PCSK2: variants seen among roughly 807,000 people sequenced by gnomAD.
The protein encoded by PCSK2 is neuroendocrine convertase 2.
In PCSK2, 14 loss-of-function variants were observed where a neutral mutation model predicts 69.7. The ratio of observed to expected loss-of-function variants is 0.20; its 90% CI spans 0.13 to 0.31. The LOEUF (loss-of-function observed/expected upper bound fraction) is 0.31. Ranked by LOEUF, PCSK2 falls within the 10% of genes least tolerant of loss-of-function variation. The pLI is 1.00. For synonymous variants in PCSK2, 307 were observed against 320.7 expected (o/e 0.96, Z 0.46); for missense variants, 544 against 842.5 (o/e 0.65, Z 4.39).
intron 1 of PCSK2, among the ~76,000 whole-genome samples, chr20:17,251,303 G>T (rs943104337): frequency 6.6e-6 from 1 of 152,108 alleles, no homozygotes. Flanking sequence ...GCAGGGTTAA[G>T]TAGAGAAAAC....
At chr20:17,407,249 C>T (rs1471988717) in intron 5 of PCSK2, among the ~76,000 whole-genome samples, 17 of 152,256 alleles carry the variant, frequency 1.1e-4, no homozygotes, top group Non-Finnish European at 1.5e-5. Flanking sequence ...TGCCTCTTCC[C>T]ACTCCAACAG....
intron 1 of PCSK2, among the ~76,000 whole-genome samples, chr20:17,246,236 C>G (rs1320700236): frequency 6.6e-6 from 1 of 152,132 alleles, no homozygotes; most frequent in Admixed American, 6.5e-5. Flanking sequence ...CCTCAATTTT[C>G]TTTTTCATTT....
chr20:17,317,086 T>C (rs756784455), intron 2 of PCSK2, among the ~76,000 whole-genome samples: 14 of 152,170 alleles, frequency 9.2e-5, no homozygotes, highest in Middle Eastern at 3.2e-3. Context: ...TTCCCAAACA[T>C]TCTGACTCAG....
chr20:17,321,862 GAGAC>G (rs1454736016), intron 2 of PCSK2, among the ~76,000 whole-genome samples: 1 of 152,102 alleles, frequency 6.6e-6, no homozygotes, highest in Non-Finnish European at 1.5e-5. Flanking sequence ...ACAAAACAGA[GAGAC>G]AGAAGGATTT....
At chr20:17,409,229 G>A in intron 5 of PCSK2, 34 bp from the exon 6 acceptor site, 1 of 1,560,798 alleles carries the variant, frequency 6.4e-7, no homozygotes, top group Non-Finnish European at 8.8e-7. Flanking sequence ...GCCTCTGGCT[G>A]TACGGACCTA....
intron 2 of PCSK2, among the ~76,000 whole-genome samples, chr20:17,315,865 A>C (rs1404265654): frequency 6.6e-6 from 1 of 152,128 alleles, no homozygotes; most frequent in East Asian, 1.9e-4. Flanking sequence ...GTGTGAATCC[A>C]TGGCCCGCGC....
intron 8 of PCSK2, among the ~76,000 whole-genome samples, chr20:17,444,113 C>G (rs2032650611): frequency 6.6e-6 from 1 of 152,176 alleles, no homozygotes; most frequent in Admixed American, 6.5e-5. Flanking sequence ...CTGGTCTACT[C>G]TAAGGAAAAA....
At chr20:17,347,878 A>AGAG in intron 2 of PCSK2, among the ~76,000 whole-genome samples, 1 of 3,650 alleles carries the variant, frequency 2.7e-4, no homozygotes, top group African/African-American at 9.0e-4. Context: ...AGAAAAAAGA[A>AGAG]AGAAAGAAAG....
At chr20:17,340,618 G>A (rs185378644) in intron 2 of PCSK2, among the ~76,000 whole-genome samples, 5 of 152,062 alleles carry the variant, frequency 3.3e-5, no homozygotes, top group African/African-American at 7.2e-5. Flanking sequence ...TCCGTCTTAC[G>A]GATTTGGGCT....
chr20:17,382,997 T>C (rs1181530413), intron 5 of PCSK2, among the ~76,000 whole-genome samples: 2 of 152,178 alleles, frequency 1.3e-5, no homozygotes, highest in African/African-American at 4.8e-5. Flanking sequence ...GGTTCTGTAT[T>C]TTTGTTTTGT....
intron 2 of PCSK2, among the ~76,000 whole-genome samples, chr20:17,283,383 GTC>G (rs149966424): frequency 0.16 from 23,985 of 152,026 alleles, 2,256 homozygotes; most frequent in Non-Finnish European, 0.22. Context: ...ACAGAGTGAT[GTC>G]TAGGATTTGC....
At chr20:17,319,382 G>T (rs187488003) in intron 2 of PCSK2, among the ~76,000 whole-genome samples, 1 of 152,288 alleles carries the variant, frequency 6.6e-6, no homozygotes, top group African/African-American at 2.4e-5. Context: ...AGCTGATGGT[G>T]TCAGTAGGAG....
intron 5 of PCSK2, among the ~76,000 whole-genome samples, chr20:17,385,296 G>A (rs2031205465): frequency 6.6e-6 from 1 of 152,224 alleles, no homozygotes; most frequent in Non-Finnish European, 1.5e-5. Context: ...ACAGGCTCCA[G>A]TGACAGCTGT....
intron 8 of PCSK2, among the ~76,000 whole-genome samples, chr20:17,444,443 A>T (rs73250230): frequency 0.068 from 10,372 of 152,254 alleles, 550 homozygotes; most frequent in African/African-American, 0.15. Context: ...AGAAGCAGTG[A>T]GGAGTGGGCA....
chr20:17,343,727 A>G (rs1248864888), intron 2 of PCSK2, among the ~76,000 whole-genome samples: 1 of 152,242 alleles, frequency 6.6e-6, no homozygotes, highest in African/African-American at 2.4e-5. Flanking sequence ...GGAAGGCAGA[A>G]GAGAAAGTCA....
At chr20:17,431,654 A>C (rs925243126) in intron 7 of PCSK2, among the ~76,000 whole-genome samples, 63 of 152,220 alleles carry the variant, frequency 4.1e-4, no homozygotes, top group African/African-American at 1.5e-3. Flanking sequence ...TTCTAACTAC[A>C]AGGGCTGCGA....
At position 17,260,311 on chromosome 20, in the gene PCSK2, A is replaced by G. The variant is rs900836625; in HGVS notation, c.249A>G (p.Leu83=). 3.7e-6 allele frequency: 6 copies of G among 1,613,724 alleles called. No homozygotes were observed. Among genetic ancestry groups the G allele is most frequent in the South Asian group, 1.1e-5 (1 of 91,076 alleles). Residue 83 remains leucine (L), a synonymous_variant, in exon 2 of 12, where the codon CTA becomes CTG. Coordinates refer to ENST00000262545, the MANE Select transcript of PCSK2 (RefSeq NM_002594.5). ...CAAAGGCCAAGAGAAGACGCAGCCT[A>G]CACCACAAGCAGCAGCTGGAGAGAG... ...GLAKAKRRRS[L]HHKQQLERDP...
intron 2 of PCSK2, among the ~76,000 whole-genome samples, chr20:17,324,645 A>G (rs967568323): frequency 6.6e-6 from 1 of 151,916 alleles, no homozygotes; most frequent in African/African-American, 2.4e-5. Context: ...TACTCCCCCT[A>G]CTGCTGAATG....
chr20:17,466,220 C>A (rs1030615859), intron 11 of PCSK2, among the ~76,000 whole-genome samples: 2 of 152,174 alleles, frequency 1.3e-5, no homozygotes, highest in South Asian at 4.2e-4. Context: ...CCCATGCCAG[C>A]GTAGCCATAT....
Sources: gnomAD v4.1 joint callset for allele counts (sites outside exome capture counted in the v4.1 genomes callset) on GRCh38, gnomAD v4.1.1 for gene constraint, MANE v1.5 for transcripts, NCBI Gene and HGNC (gene_info 2026-07-23, HGNC 2026-07-21) for gene names.